The following CNTN4 variants were observed in gnomAD, a reference collection of about 807,000 sequenced individuals.
The protein encoded by CNTN4 is contactin 4.
In CNTN4, 77 loss-of-function variants were observed where a neutral mutation model predicts 122.5. The ratio of observed to expected loss-of-function variants is 0.63; its 90% confidence interval spans 0.52 to 0.76. The LOEUF is 0.76. Among genes scored for constraint, CNTN4 ranks in the 30% least tolerant of loss-of-function variants. The pLI, the probability that CNTN4 is intolerant of heterozygous loss-of-function variation, is 0.00. For synonymous variants in CNTN4, 512 were observed against 447.0 expected, an observed-to-expected ratio of 1.15 and a Z score of -1.83; for missense variants, 1,256 against 1,259.1, an observed-to-expected ratio of 1.00 and a Z score of 0.04.
At chr3:2,157,555 C>G (rs1351703671) in intron 2 of CNTN4, among the ~76,000 whole-genome samples, 2 of 152,136 alleles carry the variant, frequency 1.3e-5, no homozygotes, top group East Asian at 3.9e-4. Context: ...CTCAAAATCT[C>G]ACTTTACTGT....
chr3:2,454,008 T>C (rs2048918076), intron 3 of CNTN4, among the ~76,000 whole-genome samples: 1 of 151,770 alleles, frequency 6.6e-6, no homozygotes, highest in Admixed American at 6.6e-5. Context: ...TGCATGGATA[T>C]CCTCAGAATT....
intron 2 of CNTN4, among the ~76,000 whole-genome samples, chr3:2,262,584 C>T (rs992962879): frequency 3.4e-5 from 5 of 148,708 alleles, no homozygotes; most frequent in African/African-American, 9.8e-5. Context: ...TTGAGGTTCA[C>T]AAATGTGAGA....
rs993993472 is a variant in CNTN4 at position 2,599,152 on chromosome 3, A to C, written c.55+27594A>C. On this transcript the variant is annotated intron_variant, in intron 4 of 24. Transcript: ENST00000418658. ...ATTTCAGAGATTAGCGTGTATCCAC[A>C]TGTAGGGACCATGGAGTGTAGAGTT... Among the ~76,000 whole-genome samples the C allele has an allele frequency of 2.0e-5, 3 of 152,154 alleles. No homozygotes were observed. The South Asian group carries it at 6.2e-4, about 31-fold the overall frequency.
chr3:2,336,448 A>G (rs2043957362), intron 2 of CNTN4, among the ~76,000 whole-genome samples: 1 of 152,170 alleles, frequency 6.6e-6, no homozygotes, highest in African/African-American at 2.4e-5. Flanking sequence ...ACAAATTTGT[A>G]GGTTGTTAGC....
chr3:2,813,578 A>G (rs1182023412), intron 6 of CNTN4, among the ~76,000 whole-genome samples: 1 of 152,120 alleles, frequency 6.6e-6, no homozygotes, highest in African/African-American at 2.4e-5. Flanking sequence ...TAAACTTTTT[A>G]TACCTTCCTC....
At chr3:2,123,651 C>T (rs895327308) in intron 2 of CNTN4, among the ~76,000 whole-genome samples, 5 of 152,160 alleles carry the variant, frequency 3.3e-5, no homozygotes, top group Admixed American at 6.5e-5. Context: ...AGTTTTCTAG[C>T]GCTACACTGG....
chr3:2,979,727 G>T (rs1445037175), intron 13 of CNTN4, among the ~76,000 whole-genome samples: 1 of 151,114 alleles, frequency 6.6e-6, no homozygotes, highest in Non-Finnish European at 1.5e-5. Context: ...TGTGTATTTT[G>T]TTTGTTTGTT....
At chr3:2,302,384 T>C (rs1320834176) in intron 2 of CNTN4, among the ~76,000 whole-genome samples, 2 of 152,256 alleles carry the variant, frequency 1.3e-5, no homozygotes, top group Middle Eastern at 3.4e-3. Context: ...GCTGAGATCG[T>C]GCCACTGCAC....
chr3:2,507,878 T>C (rs769600726), intron 3 of CNTN4, among the ~76,000 whole-genome samples: 1 of 151,910 alleles, frequency 6.6e-6, no homozygotes, highest in Non-Finnish European at 1.5e-5. Flanking sequence ...TCTTTTCTTC[T>C]CCCTCTCCAC....
chr3:2,782,142 G>GACTGA (rs1264048468), intron 6 of CNTN4, among the ~76,000 whole-genome samples: 1 of 152,012 alleles, frequency 6.6e-6, no homozygotes, highest in African/African-American at 2.4e-5. Context: ...TTTCTTATCA[G>GACTGA]ACTGAAGTCT....
At chr3:2,530,183 G>A (rs768275662) in intron 3 of CNTN4, among the ~76,000 whole-genome samples, 1 of 151,936 alleles carries the variant, frequency 6.6e-6, no homozygotes, top group South Asian at 2.1e-4. Context: ...ATCTTGATAT[G>A]CATTACTTAG....
At chr3:2,127,740 G>A (rs1194222996) in intron 2 of CNTN4, among the ~76,000 whole-genome samples, 3 of 152,096 alleles carry the variant, frequency 2.0e-5, no homozygotes, top group Non-Finnish European at 4.4e-5. Context: ...AGATGCTAAA[G>A]GTTTGAACTA....
intron 3 of CNTN4, among the ~76,000 whole-genome samples, chr3:2,485,034 G>T (rs1054211719): frequency 6.6e-6 from 1 of 152,238 alleles, no homozygotes; most frequent in Non-Finnish European, 1.5e-5. Context: ...CCCGGGCAGT[G>T]AGTGGCTTAG....
chr3:2,405,102 A>T (rs2046986653), intron 3 of CNTN4, among the ~76,000 whole-genome samples: 1 of 152,180 alleles, frequency 6.6e-6, no homozygotes. Context: ...TATGTAATTG[A>T]CTTGTTCTTT....
intron 4 of CNTN4, among the ~76,000 whole-genome samples, chr3:2,685,135 A>G (rs13062362): frequency 0.49 from 75,033 of 152,050 alleles, 21,374 homozygotes; most frequent in Non-Finnish European, 0.64. Flanking sequence ...ATTAGCTACC[A>G]TCTGGTCTTT....
At chr3:2,248,936 A>G (rs748897513) in intron 2 of CNTN4, among the ~76,000 whole-genome samples, 1 of 151,966 alleles carries the variant, frequency 6.6e-6, no homozygotes, top group African/African-American at 2.4e-5. Context: ...TACGAAAGGT[A>G]TTCCCTCGTA....
rs535506309 is a variant in CNTN4 at position 2,982,191 on chromosome 3, G to T, written c.1359-6154G>T. ...TTTTCTTCATATTCGGAACTGTGTG[G>T]TTATTCTTCCATTATAGATAGCATT... On this transcript the variant is annotated intron_variant, in intron 13 of 24. Coordinates refer to ENST00000418658, the MANE Select transcript of CNTN4 (RefSeq NM_175607.3). Among the ~76,000 whole-genome samples the T allele has an allele frequency of 1.1e-4, 16 of 152,258 alleles. 1 individual carries two copies. The East Asian group carries it at 1.4e-3, about 13-fold the overall frequency.
intron 13 of CNTN4, among the ~76,000 whole-genome samples, chr3:2,969,465 A>G (rs1026260490): frequency 6.6e-6 from 1 of 152,138 alleles, no homozygotes; most frequent in Non-Finnish European, 1.5e-5. Flanking sequence ...ACAGCCACCC[A>G]AAGTACATGG....
At chr3:2,695,816 A>G (rs1019552599) in intron 4 of CNTN4, among the ~76,000 whole-genome samples, 1 of 152,286 alleles carries the variant, frequency 6.6e-6, no homozygotes, top group African/African-American at 2.4e-5. Flanking sequence ...TAGAAGTGTC[A>G]CCAGAGTTGA....
Sources: allele counts gnomAD v4.1 joint callset (sites outside exome capture counted in the v4.1 genomes callset), GRCh38; gene constraint gnomAD v4.1.1; transcripts MANE v1.5; gene names NCBI Gene and HGNC (gene_info 2026-07-23, HGNC 2026-07-21).